ZNF737: variants seen among roughly 807,000 people sequenced by gnomAD.
The protein encoded by ZNF737 is zinc finger protein 737.
ZNF737 carries 13 observed loss-of-function variants against 11.7 expected under a neutral mutation model. That is an observed-to-expected ratio of 1.11 (90% CI 0.73 to 1.77). The LOEUF (loss-of-function observed/expected upper bound fraction) is 1.77, where lower values mean the gene tolerates loss of function less well. Ranked by LOEUF, ZNF737 falls within the 40% of genes most tolerant of loss-of-function variation. The pLI, the probability that ZNF737 is intolerant of heterozygous loss-of-function variation, is 0.00. For synonymous variants in ZNF737, 217 were observed against 216.2 expected (o/e 1.00, Z -0.03); for missense variants, 636 against 638.0 (o/e 1.00, Z 0.03).
rs1212944107 is a variant in ZNF737, at chr19:20,552,417, T to C, written c.226+58A>G. On this transcript the variant is annotated intron_variant, in intron 3 of 3. Transcript: ENST00000427401. Reference sequence around the variant, plus strand: ...CACACTTTAAGGACTGGCTTTCTCTTTGACTTTGGGACCTCTTATCTGTGT... The same window carrying C: ...CACACTTTAAGGACTGGCTTTCTCTCTGACTTTGGGACCTCTTATCTGTGT... The C allele has an allele frequency of 2.3e-6, 3 of 1,303,404 alleles. No homozygotes were observed. In the African/African-American group the frequency reaches 4.6e-5, roughly 20 times the overall value. 80.7% of individuals were successfully genotyped at this position (1,303,404 alleles called of 1,614,324 possible).
chr19:20,534,433 C>T (rs1372847243), downstream of ZNF737, among the ~76,000 whole-genome samples: 3 of 139,744 alleles, frequency 2.1e-5, no homozygotes, highest in Non-Finnish European at 4.6e-5. Context: ...GAGTGAAACT[C>T]TGTCTCAAAA....
At chr19:20,557,618 A>AT (rs34710395) in intron 1 of ZNF737, among the ~76,000 whole-genome samples, 64 of 144,412 alleles carry the variant, frequency 4.4e-4, no homozygotes, top group East Asian at 1.2e-3. Context: ...TTCTAGGGTA[A>AT]TTTTTTTTTT....
chr19:20,544,073 AGCCGAGATCATGGCACT>A lies in ZNF737; in HGVS notation c.*502_*518del, dbSNP rs1968328649. On this transcript the variant is annotated 3_prime_UTR_variant, in exon 4 of 4. Coordinates refer to ENST00000427401, the MANE Select transcript of ZNF737 (RefSeq NM_001159293.2). ...AACCCAGGAGGCAGAGGTTGCAGTG[AGCCGAGATCATGGCACT>A]GTACTCCAGCTTGGATGACAAGCAT... 1.1e-6 allele frequency: 1 copy of A among 909,156 alleles called. No homozygotes were observed. Among genetic ancestry groups the A allele is most frequent in the Admixed American group, 5.8e-5 (1 of 17,112 alleles). The allele number at this position is 909,156 out of a possible 1,614,324, so 56.3% of individuals were successfully genotyped here.
rs1423549218 is a variant in ZNF737 at position 20,539,597 on chromosome 19, C to A, written c.*4995G>T. 1.0e-6 allele frequency: 1 copy of A among 973,672 alleles called. No individual in the cohort carries two copies. The highest frequency in any genetic ancestry group is 1.8e-5 in the African/African-American group (1 of 56,938). 60.3% of individuals were successfully genotyped at this position (973,672 alleles called of 1,614,324 possible). On this transcript the variant is annotated 3_prime_UTR_variant, in exon 4 of 4. Coordinates refer to ENST00000427401, the MANE Select transcript of ZNF737 (RefSeq NM_001159293.2). ...CTATCTACATAACTAATCATGGATT[C>A]AAAAAATATTCATATTAATGTGTTT...
intron 1 of ZNF737, among the ~76,000 whole-genome samples, chr19:20,562,578 G>A (rs1484764732): frequency 4.0e-5 from 6 of 150,660 alleles, no homozygotes; most frequent in African/African-American, 9.8e-5. Flanking sequence ...GGCTGGTCTC[G>A]AACTCCCGAC....
At position 20,545,553 on chromosome 19, in the gene ZNF737, G is replaced by GT. The variant is rs1555756757; in HGVS notation, c.649dup (p.Thr217AsnfsTer4). The stretch of plus-strand genomic sequence containing the variant: ...TCCAGTATGAATTCTCTTATGTGTA[G>GT]TAAGGTGTGAGGACCAGTTGAAGGC... On this transcript the variant is annotated frameshift_variant, in exon 4 of 4. Transcript: ENST00000427401. LOFTEE classifies it low-confidence loss of function (END_TRUNC). The GT allele has an allele frequency of 8.1e-6, 13 of 1,613,620 alleles. No individual in the cohort carries two copies. Among genetic ancestry groups the GT allele is most frequent in the Non-Finnish European group, 1.1e-5 (13 of 1,179,858 alleles).
Position 20,541,322 on chromosome 19 carries a change from GTA to G in ZNF737, c.*3268_*3269del. Reference sequence around the variant, plus strand: ...CAGGTTTATCTTCAGAGTAATATGTGTATATTTAACTCTATGTAAATTAAAAC... The same window carrying G: ...CAGGTTTATCTTCAGAGTAATATGTGTATTTAACTCTATGTAAATTAAAAC... On this transcript the variant is annotated 3_prime_UTR_variant, in exon 4 of 4. Coordinates refer to ENST00000427401, the MANE Select transcript of ZNF737 (RefSeq NM_001159293.2). 2 of 982,470 alleles carry G rather than the reference GTA, an allele frequency of 2.0e-6. No homozygotes were observed. The highest frequency in any genetic ancestry group is 2.4e-6 in the Non-Finnish European group (2 of 827,342). The allele number at this position is 982,470 out of a possible 1,614,324, so 60.9% of individuals were successfully genotyped here. A position where few individuals can be genotyped will look rare whatever the true frequency, so the allele number is the denominator to read the frequency against.
Position 20,545,704 on chromosome 19 carries a change from G to A in ZNF737, c.499C>T (p.His167Tyr), listed in dbSNP as rs191587895. Residue 167 changes from histidine to tyrosine, a missense_variant, in exon 4 of 4, where the codon CAT becomes TAT. By Grantham distance (83) the His-to-Tyr change is moderately conservative (BLOSUM62 2). Coordinates refer to ENST00000427401, the MANE Select transcript of ZNF737 (RefSeq NM_001159293.2). Reference protein sequence around the residue: ...FSNSNRHKIRHTGKKPFKCIE... With the variant: ...FSNSNRHKIRYTGKKPFKCIE... ...CATTTGAAAGGTTTTTTTCCAGTAT[G>A]TCTTATCTTATGTCTGTTTGAATTT... 1.5e-3 allele frequency: 2,448 copies of A among 1,613,166 alleles called. 2 individuals carry two copies. Among genetic ancestry groups the A allele is most frequent in the Non-Finnish European group, 2.0e-3 (2,362 of 1,179,500 alleles).
chr19:20,565,586 G>A, intron 1 of ZNF737, 52 bp downstream of exon 1: 1 of 1,614,120 alleles, frequency 6.2e-7, no homozygotes, highest in Non-Finnish European at 8.5e-7. Flanking sequence ...ACTTCCCACC[G>A]GTTCCAACCA....
rs56851244 is a variant in ZNF737, at chr19:20,562,340, ATTTTTT to A, written c.3+3292_3+3297del. Among the ~76,000 whole-genome samples the A allele has an allele frequency of 8.4e-3, 1,034 of 123,756 alleles. 7 individuals are homozygous for A. The highest frequency in any genetic ancestry group is 0.017 in the African/African-American group (554 of 32,792). The allele number at this position is 123,756 out of a possible 152,430, so 81.2% of individuals were successfully genotyped here. Reference sequence around the variant, plus strand: ...AGGCACCCACCAACACACCTGGCTAATTTTTTTTTTTTTTTTTTGAAATGGAATTTC... The same window carrying A: ...AGGCACCCACCAACACACCTGGCTAATTTTTTTTTTTTGAAATGGAATTTC... On this transcript the variant is annotated intron_variant, in intron 1 of 3. Coordinates refer to ENST00000427401, the MANE Select transcript of ZNF737 (RefSeq NM_001159293.2).
Position 20,544,090 on chromosome 19 carries a change from T to G in ZNF737, c.*502A>C. 1.0e-6 allele frequency: 1 copy of G among 964,698 alleles called. No individual in the cohort carries two copies. Among genetic ancestry groups the G allele is most frequent in the South Asian group, 4.5e-5 (1 of 22,392 alleles). 59.8% of individuals were successfully genotyped at this position (964,698 alleles called of 1,614,324 possible). A position where few individuals can be genotyped will look rare whatever the true frequency, so the allele number is the denominator to read the frequency against. On this transcript the variant is annotated 3_prime_UTR_variant, in exon 4 of 4. Transcript: ENST00000427401. Reference sequence around the variant, plus strand: ...TTGCAGTGAGCCGAGATCATGGCACTGTACTCCAGCTTGGATGACAAGCAT... The same window carrying G: ...TTGCAGTGAGCCGAGATCATGGCACGGTACTCCAGCTTGGATGACAAGCAT...
Position 20,545,690 on chromosome 19 carries a change from T to C in ZNF737, c.513A>G (p.Lys171=). The change falls in exon 4 of 4, where the codon AAA becomes AAG. Residue 171 remains lysine (K), a synonymous_variant. Coordinates refer to ENST00000427401, the MANE Select transcript of ZNF737 (RefSeq NM_001159293.2). The part of the protein sequence containing the change: ...NRHKIRHTGK[K]PFKCIECGKA... ...TGCCACATTCTATACATTTGAAAGG[T>C]TTTTTTCCAGTATGTCTTATCTTAT... 1 of 1,613,298 alleles carries C rather than the reference T, an allele frequency of 6.2e-7. No individual in the cohort carries two copies. The highest frequency in any genetic ancestry group is 8.5e-7 in the Non-Finnish European group (1 of 1,179,576).
intron 1 of ZNF737, among the ~76,000 whole-genome samples, chr19:20,565,178 G>A (rs372629919): frequency 0.013 from 2,045 of 152,162 alleles, 42 homozygotes; most frequent in South Asian, 0.11. Context: ...CAAGTTATCC[G>A]CCTGCCTCGG....
Position 20,541,324 on chromosome 19 carries a change from A to G in ZNF737, c.*3268T>C. 2 of 983,610 alleles carry G rather than the reference A, an allele frequency of 2.0e-6. No individual in the cohort carries two copies. Among genetic ancestry groups the G allele is most frequent in the Non-Finnish European group, 2.4e-6 (2 of 828,280 alleles). 60.9% of individuals were successfully genotyped at this position (983,610 alleles called of 1,614,324 possible). A position where few individuals can be genotyped will look rare whatever the true frequency, so the allele number is the denominator to read the frequency against. On this transcript the variant is annotated 3_prime_UTR_variant, in exon 4 of 4. Coordinates refer to ENST00000427401, the MANE Select transcript of ZNF737 (RefSeq NM_001159293.2). ...GGTTTATCTTCAGAGTAATATGTGTATATTTAACTCTATGTAAATTAAAAC... is the reference window on the plus strand; with the variant it reads ...GGTTTATCTTCAGAGTAATATGTGTGTATTTAACTCTATGTAAATTAAAAC...
intron 3 of ZNF737, among the ~76,000 whole-genome samples, chr19:20,546,184 T>C (rs186555885): frequency 5.3e-5 from 8 of 152,296 alleles, no homozygotes; most frequent in Admixed American, 5.2e-4. Context: ...GAGTTAAGTG[T>C]ATGAAGGGCC....
Position 20,542,586 on chromosome 19 carries a change from T to A in ZNF737, c.*2006A>T. The A allele has an allele frequency of 1.0e-6, 1 of 976,100 alleles. No homozygotes were observed. The highest frequency in any genetic ancestry group is 1.1e-4 in the East Asian group (1 of 8,770). 60.5% of individuals were successfully genotyped at this position (976,100 alleles called of 1,614,324 possible). A position where few individuals can be genotyped will look rare whatever the true frequency, so the allele number is the denominator to read the frequency against. On this transcript the variant is annotated 3_prime_UTR_variant, in exon 4 of 4. Transcript: ENST00000427401. ...TTACATAAAAGTACAAGTAGTAAAG[T>A]AATATACTCATTTATTTTAATATAC...
At chr19:20,555,668 G>C (rs989529238) in intron 1 of ZNF737, among the ~76,000 whole-genome samples, 2 of 152,298 alleles carry the variant, frequency 1.3e-5, no homozygotes, top group Admixed American at 1.3e-4. Context: ...AGACACCTTT[G>C]ACTATCGTAA....
rs1351706425 is a variant in ZNF737, at chr19:20,542,666, T to C, written c.*1926A>G. 4.1e-6 allele frequency: 4 copies of C among 982,754 alleles called. No homozygotes were observed. The African/African-American group carries it at 7.0e-5, about 17-fold the overall frequency. The allele number at this position is 982,754 out of a possible 1,614,324, so 60.9% of individuals were successfully genotyped here. On this transcript the variant is annotated 3_prime_UTR_variant, in exon 4 of 4. Coordinates refer to ENST00000427401, the MANE Select transcript of ZNF737 (RefSeq NM_001159293.2). ...AAAGTATTGCTCTGAACATTTACGT[T>C]ATACATTACTTAATAGAATTTTACT...
chr19:20,531,915 A>G (rs1555752968), downstream of ZNF737, among the ~76,000 whole-genome samples: 3 of 150,358 alleles, frequency 2.0e-5, no homozygotes, highest in Non-Finnish European at 1.5e-5. Flanking sequence ...GTTCCCCAAA[A>G]GACATTTTTA....
Sources: gnomAD v4.1 joint callset for allele counts (sites outside exome capture counted in the v4.1 genomes callset) on GRCh38, gnomAD v4.1.1 for gene constraint, MANE v1.5 for transcripts, NCBI Gene and HGNC (gene_info 2026-07-23, HGNC 2026-07-21) for gene names.